PCDH7: variants seen among roughly 807,000 people sequenced by gnomAD.
PCDH7 encodes protocadherin-7.
Under a neutral mutation model 58.9 loss-of-function variants are expected in PCDH7, and 17 were observed. That is an observed-to-expected ratio of 0.29 (90% CI 0.20 to 0.43). The LOEUF (loss-of-function observed/expected upper bound fraction) is 0.43, where lower values mean the gene tolerates loss of function less well. Ranked by LOEUF, PCDH7 falls within the 20% of genes least tolerant of loss-of-function variation. PCDH7 has a pLI of 1.00. For synonymous variants in PCDH7, 664 were observed against 616.4 expected (o/e 1.08, Z -1.14); for missense variants, 1,274 against 1,441.0 (o/e 0.88, Z 1.88).
At chr4:30,895,340 T>C (rs1272930186) in intron 1 of PCDH7, among the ~76,000 whole-genome samples, 1 of 152,046 alleles carries the variant, frequency 6.6e-6, no homozygotes, top group Non-Finnish European at 1.5e-5. Context: ...GAAATAGGAA[T>C]AGTTTAAGTA....
At chr4:31,145,475 AC>A (rs1459871251), downstream of PCDH7, 3 of 151,712 alleles carry the variant, frequency 2.0e-5, no homozygotes, top group Non-Finnish European at 4.4e-5. Context: ...ATAAAAAGAA[AC>A]AAAAAAAATA....
chr4:30,723,126 C>T lies in PCDH7; in HGVS notation c.1704C>T (p.Ala568=), dbSNP rs35709073. The change falls in exon 1 of 2, where the codon GCC becomes GCT. Residue 568 remains alanine, a synonymous_variant. Coordinates refer to ENST00000361762, the Ensembl canonical transcript of PCDH7. This position sits in a 1 kb window ranked among gnomAD's most constrained non-coding sequence, Gnocchi z 4.6. Reference sequence around the variant, plus strand: ...CAGACGCAGACAGCGGTAAGAACGCCGAGATCGCCTACTCGCTGGACTCCT... The same window carrying T: ...CAGACGCAGACAGCGGTAAGAACGCTGAGATCGCCTACTCGCTGGACTCCT... 2.4e-3 allele frequency: 3,818 copies of T among 1,613,986 alleles called. 80 individuals are homozygous for T. The African/African-American group carries it at 0.044, about 19-fold the overall frequency.
At chr4:30,822,793 G>A (rs949552763) in intron 1 of PCDH7, among the ~76,000 whole-genome samples, 2 of 152,016 alleles carry the variant, frequency 1.3e-5, no homozygotes, top group African/African-American at 2.4e-5. Flanking sequence ...CTACCCCTCT[G>A]TTTTCTAAAG....
chr4:30,893,648 T>A (rs1029481761), intron 1 of PCDH7, among the ~76,000 whole-genome samples: 1 of 152,122 alleles, frequency 6.6e-6, no homozygotes, highest in African/African-American at 2.4e-5. Flanking sequence ...ATGGCTTATT[T>A]TGTTGAATAT....
At chr4:30,724,214 C>A in exon 1 of PCDH7, 1 of 1,613,628 alleles carries the variant, frequency 6.2e-7, no homozygotes, top group Non-Finnish European at 8.5e-7. Flanking sequence ...CATGACAAAT[C>A]TAAAAAGCCT....
chr4:30,812,668 G>C (rs1727176605), intron 1 of PCDH7, among the ~76,000 whole-genome samples: 1 of 152,018 alleles, frequency 6.6e-6, no homozygotes, highest in Non-Finnish European at 1.5e-5. Flanking sequence ...AATTCTAAAA[G>C]GGTAGGTTCT....
Position 31,129,702 on chromosome 4 carries a change from G to A in PCDH7, c.*8-12771G>A, listed in dbSNP as rs559893541. 1.3e-3 allele frequency among the ~76,000 whole-genome samples: 193 copies of A among 152,038 alleles called. 1 individual carries two copies. The highest frequency in any genetic ancestry group is 4.4e-3 in the African/African-American group (182 of 41,448). ...GATTGGAATGTAATGGTGCAATCTCGGCTCACTGCAACCTCCACATCCCAG... is the reference window on the plus strand; with the variant it reads ...GATTGGAATGTAATGGTGCAATCTCAGCTCACTGCAACCTCCACATCCCAG... On this transcript the variant is annotated intron_variant, in intron 3 of 3. Coordinates refer to the PCDH7 transcript ENST00000509759.
chr4:30,974,462 A>G (rs1325966121), intron 3 of PCDH7, among the ~76,000 whole-genome samples: 1 of 152,002 alleles, frequency 6.6e-6, no homozygotes, highest in Admixed American at 6.6e-5. Flanking sequence ...ACTAAATTGG[A>G]TAATAGAGAC....
intron 1 of PCDH7, among the ~76,000 whole-genome samples, chr4:30,828,569 A>C (rs554562910): frequency 6.6e-6 from 1 of 152,212 alleles, no homozygotes; most frequent in East Asian, 1.9e-4. Context: ...ATACCAAAAA[A>C]AAAAGGTAAT....
intron 1 of PCDH7, among the ~76,000 whole-genome samples, chr4:30,747,521 C>T (rs1053560278): frequency 1.3e-5 from 2 of 152,168 alleles, no homozygotes; most frequent in Non-Finnish European, 1.5e-5. Flanking sequence ...CTAGGGCTGC[C>T]TGCATTCTTT....
At chr4:30,759,809 A>G (rs1719790170) in intron 1 of PCDH7, among the ~76,000 whole-genome samples, 1 of 152,154 alleles carries the variant, frequency 6.6e-6, no homozygotes, top group Non-Finnish European at 1.5e-5. Flanking sequence ...AAGTGCCACC[A>G]TTGTATTTGT....
At chr4:30,855,246 A>G (rs1578058550) in intron 1 of PCDH7, among the ~76,000 whole-genome samples, 1 of 152,232 alleles carries the variant, frequency 6.6e-6, no homozygotes, top group East Asian at 1.9e-4. Context: ...ATACAAATGA[A>G]CACTTTGTAA....
At chr4:30,922,874 T>G (rs1743354988) in intron 2 of PCDH7, among the ~76,000 whole-genome samples, 1 of 152,120 alleles carries the variant, frequency 6.6e-6, no homozygotes, top group African/African-American at 2.4e-5. Context: ...AGTAACAAAT[T>G]TGTTGGGTCC....
At chr4:30,770,402 CT>C (rs1371404512) in intron 1 of PCDH7, among the ~76,000 whole-genome samples, 1 of 152,144 alleles carries the variant, frequency 6.6e-6, no homozygotes, top group Non-Finnish European at 1.5e-5. Flanking sequence ...CTTCCTGCTT[CT>C]AAACAATAAG....
chr4:30,808,387 C>T (rs1726536720), intron 1 of PCDH7, among the ~76,000 whole-genome samples: 1 of 152,108 alleles, frequency 6.6e-6, no homozygotes. Flanking sequence ...GGGCATTCTG[C>T]TTAAATCTCC....
At chr4:31,056,623 C>CAGAGAGAGAGAGG (rs1757272473) in intron 3 of PCDH7, among the ~76,000 whole-genome samples, 1 of 129,912 alleles carries the variant, frequency 7.7e-6, no homozygotes, top group African/African-American at 2.9e-5. Context: ...GAGTGAAAGA[C>CAGAGAGAGAGAGG]AGAGAGAGAG....
intron 3 of PCDH7, among the ~76,000 whole-genome samples, chr4:31,022,733 A>T (rs1168369214): frequency 1.6e-4 from 25 of 152,134 alleles, no homozygotes; most frequent in Non-Finnish European, 7.4e-5. Flanking sequence ...ATAACTGTTG[A>T]TTGAAAACTA....
At chr4:31,004,216 C>T (rs1424301871) in intron 3 of PCDH7, among the ~76,000 whole-genome samples, 1 of 152,084 alleles carries the variant, frequency 6.6e-6, no homozygotes, top group Non-Finnish European at 1.5e-5. Context: ...TTATATCCCA[C>T]GTGCCGCTTT....
intron 3 of PCDH7, among the ~76,000 whole-genome samples, chr4:31,122,883 T>C (rs1560245045): frequency 6.6e-6 from 1 of 152,020 alleles, no homozygotes; most frequent in Non-Finnish European, 1.5e-5. Context: ...ATAACCTTTA[T>C]TATTATATAT....
Sources: allele counts gnomAD v4.1 joint callset (sites outside exome capture counted in the v4.1 genomes callset), GRCh38; gene constraint gnomAD v4.1.1; non-coding constraint Gnocchi (gnomAD v3.1); transcripts MANE v1.5; gene names NCBI Gene and HGNC (gene_info 2026-07-23, HGNC 2026-07-21).